Variants in ZNF518A observed in about 807,000 individuals in gnomAD.
ZNF518A encodes zinc finger protein 518.
Under a neutral mutation model 102.7 loss-of-function variants are expected in ZNF518A, and 47 were observed. The observed-to-expected ratio is 0.46, with a 90% CI of 0.36 to 0.58. The LOEUF is 0.58. ZNF518A is among the 20% of genes least tolerant of loss of function. The pLI is 0.00. For missense variants in ZNF518A, 1,793 were observed against 1,699.8 expected (o/e 1.05, Z -0.96); for synonymous variants, 652 against 594.6 (o/e 1.10, Z -1.40).
rs782009851 is a variant in ZNF518A, at chr10:96,158,738, A to G, written c.2416A>G (p.Asn806Asp). 5.0e-6 allele frequency: 8 copies of G among 1,613,276 alleles called. No individual in the cohort carries two copies. The highest frequency in any genetic ancestry group is 2.7e-5 in the African/African-American group (2 of 74,890). ...DVKQDSSNTP[N>D]KGLPLHCDQS... ...AAAACAAGACTCTAGTAACACTCCAAATAAAGGCTTGCCACTTCATTGTGA... is the reference window on the plus strand; with the variant it reads ...AAAACAAGACTCTAGTAACACTCCAGATAAAGGCTTGCCACTTCATTGTGA... Residue 806 changes from asparagine (N) to aspartate (D), a missense_variant, in exon 6 of 6, where the codon AAT becomes GAT. Physicochemically the swap from Asn to Asp is conservative, Grantham distance 23. This residue lies in a region of ZNF518A where 1,741 missense variants were observed against 1,622.6 expected (regional missense o/e 1.07). Coordinates refer to ENST00000316045, the MANE Select transcript of ZNF518A (RefSeq NM_001330736.2).
intron 3 of ZNF518A, among the ~76,000 whole-genome samples, chr10:96,142,955 C>T (rs2082008864): frequency 1.3e-5 from 2 of 151,904 alleles, no homozygotes; most frequent in African/African-American, 2.4e-5. Flanking sequence ...TACAGGCACC[C>T]GCAACCATGC....
Position 96,162,373 on chromosome 10 carries a change from CTA to C in ZNF518A, c.*1601_*1602del, listed in dbSNP as rs1554888517. 1 of 166,848 alleles carries C rather than the reference CTA, an allele frequency of 6.0e-6. No individual in the cohort carries two copies. Among genetic ancestry groups the C allele is most frequent in the African/African-American group, 2.4e-5 (1 of 41,424 alleles). 10.3% of individuals were successfully genotyped at this position (166,848 alleles called of 1,614,324 possible). A position where few individuals can be genotyped will look rare whatever the true frequency, so the allele number is the denominator to read the frequency against. ...AAATTCGTTCTTCAGGGATTGAACA[CTA>C]TTGTTAGCAAGTGCCTAAAAAAGAT... On this transcript the variant is annotated 3_prime_UTR_variant, in exon 6 of 6. Transcript: ENST00000316045.
intron 1 of ZNF518A, chr10:96,191,966 T>C (rs200396708): frequency 5.8e-5 from 94 of 1,613,574 alleles, no homozygotes; most frequent in East Asian, 1.1e-4. Flanking sequence ...ATCTTTTTTT[T>C]CCCCCTTTAT....
intron 4 of ZNF518A, 29 bp from the exon 5 acceptor site, chr10:96,155,895 C>G (rs1035659526): frequency 2.0e-5 from 3 of 152,714 alleles, no homozygotes; most frequent in Non-Finnish European, 4.4e-5. Context: ...AGCGCTTGAG[C>G]GTACTTACCC....
rs1554882332 is a variant in ZNF518A, at chr10:96,156,386, G to C, written c.64G>C (p.Asp22His). The C allele has an allele frequency of 6.2e-7, 1 of 1,603,052 alleles. No individual in the cohort carries two copies. The highest frequency in any genetic ancestry group is 1.3e-5 in the African/African-American group (1 of 74,232). Reference protein sequence around the residue: ...EKQTTLKKDYDVKNEIVDRSA... With the variant: ...EKQTTLKKDYHVKNEIVDRSA... ...ACAAACTACTTTAAAAAAAGATTATGATGTGAAAAATGAGATAGTTGATAG... is the reference window on the plus strand; with the variant it reads ...ACAAACTACTTTAAAAAAAGATTATCATGTGAAAAATGAGATAGTTGATAG... Residue 22 changes from aspartate (D) to histidine (H), a missense_variant, in exon 6 of 6, where the codon GAT becomes CAT. Physicochemically the swap from Asp to His is moderately conservative, Grantham distance 81. Around this residue, in one of 3 missense-constraint regions of ZNF518A, gnomAD observed 1,741 missense variants for 1,622.6 expected, o/e 1.07. Coordinates refer to ENST00000316045, the MANE Select transcript of ZNF518A (RefSeq NM_001330736.2).
intron 3 of ZNF518A, among the ~76,000 whole-genome samples, chr10:96,139,444 A>T (rs1197310964): frequency 1.3e-5 from 2 of 152,174 alleles, no homozygotes; most frequent in Non-Finnish European, 2.9e-5. Flanking sequence ...AAGAGACCCC[A>T]GAGGGCTCTA....
chr10:96,171,675 A>G (rs1170072382), intron 1 of ZNF518A, among the ~76,000 whole-genome samples: 4 of 152,156 alleles, frequency 2.6e-5, no homozygotes, highest in African/African-American at 9.7e-5. Flanking sequence ...TGCAAATGAT[A>G]GTAAGCACAC....
At chr10:96,150,743 CTTTTTTTTTTT>C (rs10675397) in intron 3 of ZNF518A, among the ~76,000 whole-genome samples, 1 of 30,292 alleles carries the variant, frequency 3.3e-5, no homozygotes, top group Admixed American at 7.2e-4. Context: ...TCTTTCTTTC[CTTTTTTTTTTT>C]TTTTTTTTTG....
chr10:96,203,827 T>A (rs2083721514), intron 2 of ZNF518A: 5 of 404,332 alleles, frequency 1.2e-5, no homozygotes, highest in African/African-American at 2.0e-5. Context: ...AGTAAAATAT[T>A]AAATCGCTAC....
chr10:96,192,138 A>G, intron 1 of ZNF518A: 1 of 1,609,826 alleles, frequency 6.2e-7, no homozygotes, highest in Non-Finnish European at 8.5e-7. Context: ...CATTTGTGTT[A>G]AATTTGAGCT....
chr10:96,193,752 TCA>T (rs1554894032), intron 1 of ZNF518A, among the ~76,000 whole-genome samples: 2 of 152,204 alleles, frequency 1.3e-5, no homozygotes, highest in Non-Finnish European at 2.9e-5. Flanking sequence ...CAATGTTGTA[TCA>T]CACAGTGCCA....
intron 1 of ZNF518A, among the ~76,000 whole-genome samples, chr10:96,183,518 T>C (rs1192830276): frequency 6.6e-6 from 1 of 152,268 alleles, no homozygotes; most frequent in Non-Finnish European, 1.5e-5. Context: ...TTTGTGTCTT[T>C]GTTCTCATTC....
intron 3 of ZNF518A, among the ~76,000 whole-genome samples, chr10:96,135,524 T>C (rs2142327840): frequency 6.6e-6 from 1 of 152,338 alleles, no homozygotes; most frequent in Non-Finnish European, 1.5e-5. Context: ...TTATTCATCA[T>C]TTGTGCATGC....
chr10:96,176,472 A>G (rs2083205233), intron 1 of ZNF518A, among the ~76,000 whole-genome samples: 1 of 152,216 alleles, frequency 6.6e-6, no homozygotes, highest in South Asian at 2.1e-4. Flanking sequence ...AAACCATCCC[A>G]AACACATCAT....
intron 1 of ZNF518A, among the ~76,000 whole-genome samples, chr10:96,188,675 A>G (rs1262251925): frequency 1.3e-5 from 2 of 152,218 alleles, no homozygotes; most frequent in Admixed American, 6.5e-5. Flanking sequence ...TTTCTAGTAC[A>G]TTCAAAATGA....
At chr10:96,182,456 G>A (rs1028787311) in intron 1 of ZNF518A, among the ~76,000 whole-genome samples, 2 of 152,082 alleles carry the variant, frequency 1.3e-5, no homozygotes, top group Admixed American at 6.6e-5. Flanking sequence ...CAGTATGATG[G>A]TGGCTGTGGG....
In ZNF518A at chr10:96,159,241, C is replaced by G; in HGVS notation, c.2919C>G (p.Asn973Lys). Residue 973 changes from asparagine (N) to lysine (K), a missense_variant, in exon 6 of 6, where the codon AAC becomes AAG. This residue lies in a region of ZNF518A where 1,741 missense variants were observed against 1,622.6 expected (regional missense o/e 1.07). Transcript: ENST00000316045. ...GTATCCCTGCTTCTCTTTTTGTAAA[C>G]AAGAAACCTGGGATGGTTTTAACAC... is the stretch of plus-strand genomic sequence containing the variant. ...SQGIPASLFV[N>K]KKPGMVLTLN... 1 of 1,613,444 alleles carries G rather than the reference C, an allele frequency of 6.2e-7. No homozygotes were observed. The highest frequency in any genetic ancestry group is 8.5e-7 in the Non-Finnish European group (1 of 1,179,662).
Position 96,158,871 on chromosome 10 carries a change from T to C in ZNF518A, c.2549T>C (p.Val850Ala). 1 of 1,613,754 alleles carries C rather than the reference T, an allele frequency of 6.2e-7. No homozygotes were observed. Among genetic ancestry groups the C allele is most frequent in the Non-Finnish European group, 8.5e-7 (1 of 1,179,724 alleles). The change falls in exon 6 of 6, where the codon GTG becomes GCG. Residue 850 changes from valine (V) to alanine (A), a missense_variant. Coordinates refer to ENST00000316045, the MANE Select transcript of ZNF518A (RefSeq NM_001330736.2). ...PVPPGSVGIN[V>A]PTNDLNLKFG... The stretch of plus-strand genomic sequence containing the variant: ...CCACCTGGCAGTGTGGGTATTAATG[T>C]GCCTACAAATGATTTGAATTTGAAA...
chr10:96,180,232 T>G (rs1242856939), intron 1 of ZNF518A, among the ~76,000 whole-genome samples: 1 of 145,518 alleles, frequency 6.9e-6, no homozygotes, highest in African/African-American at 2.5e-5. Context: ...GCTATGTTGC[T>G]AAGCCTGGTC....
Sources: gnomAD v4.1 joint callset for allele counts (sites outside exome capture counted in the v4.1 genomes callset) on GRCh38, gnomAD v4.1.1 for gene constraint, gnomAD v4.1.1 regional missense constraint, MANE v1.5 for transcripts, NCBI Gene and HGNC (gene_info 2026-07-23, HGNC 2026-07-21) for gene names.